The following USP34 variants were observed in gnomAD, a reference collection of about 807,000 sequenced individuals.
USP34 encodes the protein ubiquitin specific peptidase 34, also known as ubiquitin carboxyl-terminal hydrolase 34.
Under a neutral mutation model 460.3 loss-of-function variants are expected in USP34, and 70 were observed. The observed-to-expected ratio is 0.15, with a 90% confidence interval of 0.13 to 0.19. The LOEUF (loss-of-function observed/expected upper bound fraction) is 0.19. Ranked by LOEUF, USP34 falls within the 10% of genes least tolerant of loss-of-function variation. The probability of loss-of-function intolerance (pLI) is 1.00; values close to 1 mark genes in which losing one functional copy is unlikely to be tolerated. For synonymous variants in USP34, 1,647 were observed against 1,405.3 expected, an observed-to-expected ratio of 1.17 and a Z score of -3.85; for missense variants, 3,985 against 4,236.2, an observed-to-expected ratio of 0.94 and a Z score of 1.65.
chr2:61,405,874 G>C lies in USP34; in HGVS notation c.386C>G (p.Thr129Arg). The C allele has an allele frequency of 6.2e-7, 1 of 1,613,712 alleles. No homozygotes were observed. Among genetic ancestry groups the C allele is most frequent in the Non-Finnish European group, 8.5e-7 (1 of 1,179,920 alleles). ...QKSIEKKSNSTRICNLTEEES... is the reference protein window; with the variant it reads ...QKSIEKKSNSRRICNLTEEES... ...CTCCTCAGTCAGATTACAAATTCTT[G>C]TAGAGTTTGATTTTTTTTCTATTGA... is the stretch of plus-strand genomic sequence containing the variant. The change falls in exon 3 of 80, where the codon ACA becomes AGA. Residue 129 changes from threonine to arginine, a missense_variant. Thr to Arg is a moderately conservative substitution (Grantham distance 71, BLOSUM62 -1). Coordinates refer to ENST00000398571, the MANE Select transcript of USP34 (RefSeq NM_014709.4).
rs185607185 is a variant in USP34, at chr2:61,361,475, T to C, written c.1251+8846A>G. Among the ~76,000 whole-genome samples, 22 of 152,108 alleles carry C rather than the reference T, an allele frequency of 1.4e-4. No homozygotes were observed. The East Asian group carries it at 1.5e-3, about 11-fold the overall frequency. On this transcript the variant is annotated intron_variant, in intron 10 of 79. Coordinates refer to ENST00000398571, the MANE Select transcript of USP34 (RefSeq NM_014709.4). The stretch of plus-strand genomic sequence containing the variant: ...GCATAAAAACAGACATATGGACCCA[T>C]AGAACAAATAAAAACCCCAGAAACA...
chr2:61,371,665 C>G (rs1692632882), intron 8 of USP34, among the ~76,000 whole-genome samples: 1 of 152,078 alleles, frequency 6.6e-6, no homozygotes, highest in Non-Finnish European at 1.5e-5. Context: ...CCTAAGTGTA[C>G]AGTGCTTACA....
At chr2:61,367,916 G>A (rs1314720154) in intron 10 of USP34, among the ~76,000 whole-genome samples, 4 of 152,014 alleles carry the variant, frequency 2.6e-5, no homozygotes, top group Non-Finnish European at 5.9e-5. Context: ...AAATAAGACA[G>A]AAAAGTTATA....
chr2:61,194,355 G>A, intron 75 of USP34: 4 of 961,498 alleles, frequency 4.2e-6, no homozygotes, highest in Non-Finnish European at 4.9e-6. Context: ...CATCACATCT[G>A]TGGCTATAGG....
At chr2:61,362,732 G>C (rs1351972841) in intron 10 of USP34, among the ~76,000 whole-genome samples, 1 of 152,176 alleles carries the variant, frequency 6.6e-6, no homozygotes, top group African/African-American at 2.4e-5. Context: ...TGTGACTACA[G>C]TTAACAATAC....
rs535095804 is a variant in USP34, at chr2:61,249,985, C to T, written c.6222-1302G>A. 8 of 163,176 alleles carry T rather than the reference C, an allele frequency of 4.9e-5. No individual in the cohort carries two copies. The South Asian group carries it at 5.1e-4, about 10-fold the overall frequency. The allele number at this position is 163,176 out of a possible 1,614,324, so 10.1% of individuals were successfully genotyped here. On this transcript the variant is annotated intron_variant, in intron 48 of 79. Coordinates refer to ENST00000398571, the MANE Select transcript of USP34 (RefSeq NM_014709.4). ...CTCTCAGGCTAGGCGCGGTGGCTCACGCCTGTAATACCAGCACTTTGGAGG... is the reference window on the plus strand; with the variant it reads ...CTCTCAGGCTAGGCGCGGTGGCTCATGCCTGTAATACCAGCACTTTGGAGG...
rs201829826 is a variant in USP34 at position 61,292,849 on chromosome 2, C to G, written c.4548+615G>C. Among the ~76,000 whole-genome samples, 16 of 151,792 alleles carry G rather than the reference C, an allele frequency of 1.1e-4. No individual in the cohort carries two copies. The East Asian group carries it at 3.1e-3, about 29-fold the overall frequency. On this transcript the variant is annotated intron_variant, in intron 33 of 79. Transcript: ENST00000398571. ...TAAGCAATTTTATTTTCATATAGTA[C>G]TTCTTCAAATCACGGTGGTAAAGTT...
intron 2 of USP34, among the ~76,000 whole-genome samples, chr2:61,413,750 G>A (rs556519162): frequency 6.8e-6 from 1 of 147,422 alleles, no homozygotes; most frequent in Admixed American, 6.9e-5. Context: ...GGCCAAGGCG[G>A]GTGGATTGCC....
chr2:61,249,361 G>T (rs907185284), intron 48 of USP34, among the ~76,000 whole-genome samples: 3 of 152,222 alleles, frequency 2.0e-5, no homozygotes, highest in African/African-American at 7.2e-5. Flanking sequence ...ATACACCATG[G>T]ACATGCTGGA....
intron 49 of USP34, among the ~76,000 whole-genome samples, chr2:61,247,358 G>T (rs1428754039): frequency 6.6e-6 from 1 of 152,170 alleles, no homozygotes. Flanking sequence ...CAAGACAGTG[G>T]CTGAGGAGTG....
chr2:61,414,061 C>T (rs1486393255), intron 2 of USP34, among the ~76,000 whole-genome samples: 2 of 152,132 alleles, frequency 1.3e-5, no homozygotes, highest in African/African-American at 4.8e-5. Flanking sequence ...AGCTCGAGAC[C>T]AGCCTGGGCA....
At chr2:61,456,854 T>C (rs1021793481) in intron 1 of USP34, among the ~76,000 whole-genome samples, 7 of 151,924 alleles carry the variant, frequency 4.6e-5, no homozygotes, top group Non-Finnish European at 8.8e-5. Context: ...GGCACAGGCA[T>C]GTAGTCCCAG....
At position 61,278,085 on chromosome 2, in the gene USP34, A is replaced by G. The variant is rs956620232; in HGVS notation, c.5433+80T>C. 2.0e-6 allele frequency: 3 copies of G among 1,537,268 alleles called. No homozygotes were observed. The African/African-American group carries it at 4.1e-5, about 21-fold the overall frequency. On this transcript the variant is annotated intron_variant, in intron 41 of 79. Coordinates refer to ENST00000398571, the MANE Select transcript of USP34 (RefSeq NM_014709.4). Reference sequence around the variant, plus strand: ...TCGGGTATGCCTTTATGAGCAGTGTAAAAACGGACTAATACACAATGTAAC... The same window carrying G: ...TCGGGTATGCCTTTATGAGCAGTGTGAAAACGGACTAATACACAATGTAAC...
intron 41 of USP34, among the ~76,000 whole-genome samples, chr2:61,266,893 G>T (rs1338037567): frequency 1.3e-5 from 2 of 152,158 alleles, no homozygotes; most frequent in Admixed American, 6.5e-5. Context: ...CTCTCTAAGT[G>T]AAAACAGTGG....
At chr2:61,315,114 TTCC>T (rs1690702735) in intron 23 of USP34, 140 bp from the exon 24 acceptor site, 2 of 601,938 alleles carry the variant, frequency 3.3e-6, no homozygotes, top group South Asian at 2.8e-5. Flanking sequence ...ATTTAAAAAT[TTCC>T]TCAATTGATG....
chr2:61,460,016 C>T (rs1227988205), intron 1 of USP34, among the ~76,000 whole-genome samples: 3 of 151,282 alleles, frequency 2.0e-5, no homozygotes, highest in African/African-American at 7.3e-5. Flanking sequence ...GAGCCGAGAT[C>T]GCACCACTGC....
At chr2:61,336,494 C>T (rs1406221150) in intron 18 of USP34, among the ~76,000 whole-genome samples, 1 of 149,080 alleles carries the variant, frequency 6.7e-6, no homozygotes, top group Non-Finnish European at 1.5e-5. Context: ...AACTGAGTAA[C>T]AAATAGGCAC....
rs144047724 is a variant in USP34 at position 61,236,486 on chromosome 2, CAAAAT to C, written c.6778-102_6778-98del. On this transcript the variant is annotated intron_variant, in intron 53 of 79. Coordinates refer to ENST00000398571, the MANE Select transcript of USP34 (RefSeq NM_014709.4). The stretch of plus-strand genomic sequence containing the variant: ...ACAAAAAGTCTCTTCTAAAAAACCA[CAAAAT>C]AAAATAAAATCCATGCACTTTAAGT... The C allele has an allele frequency of 1.4e-3, 1,229 of 892,904 alleles. 3 individuals are homozygous for C. The highest frequency in any genetic ancestry group is 2.8e-3 in the Middle Eastern group (8 of 2,888). The allele number at this position is 892,904 out of a possible 1,614,324, so 55.3% of individuals were successfully genotyped here. A position where few individuals can be genotyped will look rare whatever the true frequency, so the allele number is the denominator to read the frequency against.
At chr2:61,234,338 C>T (rs1688001486) in intron 57 of USP34, among the ~76,000 whole-genome samples, 1 of 152,212 alleles carries the variant, frequency 6.6e-6, no homozygotes, top group African/African-American at 2.4e-5. Flanking sequence ...AGATTTACAA[C>T]TCTTTGGTTG....
Sources: gnomAD v4.1 joint callset for allele counts (sites outside exome capture counted in the v4.1 genomes callset) on GRCh38, gnomAD v4.1.1 for gene constraint, MANE v1.5 for transcripts, NCBI Gene and HGNC (gene_info 2026-07-23, HGNC 2026-07-21) for gene names.